The following SPSB4 variants were observed in gnomAD, a reference collection of about 807,000 sequenced individuals.
The protein encoded by SPSB4 is splA/ryanodine receptor domain and SOCS box containing 4.
SPSB4 carries 21 observed loss-of-function variants against 20.9 expected under a neutral mutation model. That is an observed-to-expected ratio of 1.01 (90% CI 0.71 to 1.45). The LOEUF is 1.45. SPSB4 is among the 40% of genes most tolerant of loss of function. The probability of loss-of-function intolerance (pLI) is 0.00; values close to 1 mark genes in which losing one functional copy is unlikely to be tolerated. For synonymous variants in SPSB4, 207 were observed against 183.8 expected, an observed-to-expected ratio of 1.13 and a Z score of -1.02; for missense variants, 399 against 399.2, an observed-to-expected ratio of 1.00 and a Z score of 0.00.
At chr3:141,060,848 A>G (rs1174588477) in intron 1 of SPSB4, among the ~76,000 whole-genome samples, 1 of 152,220 alleles carries the variant, frequency 6.6e-6, no homozygotes, top group Admixed American at 6.5e-5. Flanking sequence ...ATGGAGTTCT[A>G]ACTCATTTCT....
intron 2 of SPSB4, among the ~76,000 whole-genome samples, chr3:141,090,140 T>C (rs754022928): frequency 1.7e-4 from 26 of 152,344 alleles, no homozygotes; most frequent in South Asian, 8.3e-4. Context: ...AATATGTTGG[T>C]GTTAGCCCAG....
intron 1 of SPSB4, among the ~76,000 whole-genome samples, chr3:141,064,273 TC>T (rs1447244974): frequency 6.6e-6 from 1 of 152,382 alleles, no homozygotes; most frequent in East Asian, 1.9e-4. Context: ...AAGCTGTGTT[TC>T]AGGTTATAAA....
chr3:141,130,710 A>G (rs1165292565), intron 2 of SPSB4, among the ~76,000 whole-genome samples: 1 of 129,020 alleles, frequency 7.8e-6, no homozygotes, highest in Non-Finnish European at 1.7e-5. Flanking sequence ...TAAGCCACCA[A>G]TCTCTGCACC....
At chr3:141,126,958 T>G (rs539037147) in intron 2 of SPSB4, among the ~76,000 whole-genome samples, 5 of 152,314 alleles carry the variant, frequency 3.3e-5, no homozygotes, top group East Asian at 3.9e-4. Flanking sequence ...TCTCAAAGGC[T>G]GGGCAAGGGA....
intron 2 of SPSB4, among the ~76,000 whole-genome samples, chr3:141,089,102 C>T (rs1043934609): frequency 5.3e-5 from 8 of 152,194 alleles, no homozygotes; most frequent in Non-Finnish European, 4.4e-5. Flanking sequence ...TTCCTGGCAG[C>T]GTCAATCCTG....
intron 2 of SPSB4, among the ~76,000 whole-genome samples, chr3:141,110,032 C>T (rs887908853): frequency 3.3e-5 from 5 of 152,216 alleles, no homozygotes. Flanking sequence ...CTCCTCTGTG[C>T]TCAGCAGCTG....
At chr3:141,104,546 T>G (rs73871720) in intron 2 of SPSB4, among the ~76,000 whole-genome samples, 1,619 of 152,180 alleles carry the variant, frequency 0.011, 35 homozygotes, top group African/African-American at 0.037. Flanking sequence ...CAGCTTAGAT[T>G]CTGGAAGTCT....
At chr3:141,142,870 G>A (rs938114478) in intron 2 of SPSB4, among the ~76,000 whole-genome samples, 1 of 128,648 alleles carries the variant, frequency 7.8e-6, no homozygotes, top group Admixed American at 9.3e-5. Flanking sequence ...AGCCTGGAGT[G>A]CAGTGGCATG....
Position 141,147,333 on chromosome 3 carries a change from A to G in SPSB4, c.*64A>G, listed in dbSNP as rs1939430325. The G allele has an allele frequency of 3.7e-6, 6 of 1,603,234 alleles. No individual in the cohort carries two copies. Among genetic ancestry groups the G allele is most frequent in the South Asian group, 3.3e-5 (3 of 90,316 alleles). ...GCAGGGCCCGACCCTCCTGTCATTC[A>G]CAGTCCCATGGCACATAGGGGAAAG... On this transcript the variant is annotated 3_prime_UTR_variant, in exon 3 of 3. Coordinates refer to ENST00000310546, the MANE Select transcript of SPSB4 (RefSeq NM_080862.3).
chr3:141,066,167 G>A lies in SPSB4; in HGVS notation c.63G>A (p.Pro21=), dbSNP rs763825766. 1.6e-5 allele frequency: 24 copies of A among 1,532,472 alleles called. 1 individual carries two copies. The Middle Eastern group carries it at 6.0e-4, about 38-fold the overall frequency. 94.9% of individuals were successfully genotyped at this position (1,532,472 alleles called of 1,614,324 possible). A position where few individuals can be genotyped will look rare whatever the true frequency, so the allele number is the denominator to read the frequency against. The change falls in exon 2 of 3, where the codon CCG becomes CCA. Residue 21 remains proline (P), a synonymous_variant. Transcript: ENST00000310546. ...AGGTGCGAGAGCCGGCGCTGCGGCC[G>A]GCCAAGCGGGAGCTGCGGGGTGCAG... is the stretch of plus-strand genomic sequence containing the variant. The part of the protein sequence containing the change: ...SVEVREPALR[P]AKRELRGAEP...
At chr3:141,145,071 C>T (rs920761081) in intron 2 of SPSB4, among the ~76,000 whole-genome samples, 1 of 151,990 alleles carries the variant, frequency 6.6e-6, no homozygotes, top group African/African-American at 2.4e-5. Context: ...CCTTCTGCAC[C>T]TGGAAAATAG....
At chr3:141,118,741 A>G (rs1938919064) in intron 2 of SPSB4, among the ~76,000 whole-genome samples, 1 of 152,176 alleles carries the variant, frequency 6.6e-6, no homozygotes, top group Non-Finnish European at 1.5e-5. Flanking sequence ...TACTTATTAT[A>G]TAGGGAATCC....
chr3:141,076,854 T>C lies in SPSB4; in HGVS notation c.694+10056T>C, dbSNP rs188666859. 197 of 152,298 alleles carry C rather than the reference T, an allele frequency of 1.3e-3. 1 individual carries two copies. Among genetic ancestry groups the C allele is most frequent in the African/African-American group, 4.5e-3 (188 of 41,546 alleles). 9.4% of individuals were successfully genotyped at this position (152,298 alleles called of 1,614,324 possible). Reference sequence around the variant, plus strand: ...ACCACAGCACTTAGATACCCTTAAATACAGTACAGCAAACTGCATTCACTC... The same window carrying C: ...ACCACAGCACTTAGATACCCTTAAACACAGTACAGCAAACTGCATTCACTC... On this transcript the variant is annotated intron_variant, in intron 2 of 2. Coordinates refer to ENST00000310546, the MANE Select transcript of SPSB4 (RefSeq NM_080862.3).
intron 1 of SPSB4, among the ~76,000 whole-genome samples, chr3:141,061,357 G>C (rs1937757638): frequency 6.6e-6 from 1 of 152,042 alleles, no homozygotes; most frequent in Non-Finnish European, 1.5e-5. Flanking sequence ...ATAGGAGAAA[G>C]AGGTGAATTC....
intron 2 of SPSB4, among the ~76,000 whole-genome samples, chr3:141,123,164 C>T (rs1290119190): frequency 1.3e-5 from 2 of 152,186 alleles, no homozygotes; most frequent in Non-Finnish European, 2.9e-5. Flanking sequence ...AGTTGTAATA[C>T]ACTGTCATCT....
At chr3:141,098,495 G>A (rs914834988) in intron 2 of SPSB4, among the ~76,000 whole-genome samples, 1 of 151,752 alleles carries the variant, frequency 6.6e-6, no homozygotes, top group Non-Finnish European at 1.5e-5. Flanking sequence ...CATAATTCTT[G>A]TCACGTTTAT....
chr3:141,076,257 AG>A (rs2107784300), intron 2 of SPSB4, among the ~76,000 whole-genome samples: 1 of 152,314 alleles, frequency 6.6e-6, no homozygotes, highest in African/African-American at 2.4e-5. Context: ...GCTCCCGACA[AG>A]GCAGCTATGC....
intron 2 of SPSB4, among the ~76,000 whole-genome samples, chr3:141,069,886 C>T (rs1937963611): frequency 6.6e-6 from 1 of 152,178 alleles, no homozygotes; most frequent in African/African-American, 2.4e-5. Context: ...TAATGGATAT[C>T]ACTTTCTCAA....
At chr3:141,114,526 G>A (rs1022210605) in intron 2 of SPSB4, among the ~76,000 whole-genome samples, 7 of 152,290 alleles carry the variant, frequency 4.6e-5, no homozygotes, top group Admixed American at 2.6e-4. Context: ...AAATGAGGCC[G>A]AGTCTAGACC....
Sources: allele counts gnomAD v4.1 joint callset (sites outside exome capture counted in the v4.1 genomes callset), GRCh38; gene constraint gnomAD v4.1.1; transcripts MANE v1.5; gene names NCBI Gene and HGNC (gene_info 2026-07-23, HGNC 2026-07-21).